The following UNC13B variants were observed in gnomAD, a reference collection of about 807,000 sequenced individuals.
UNC13B encodes the protein unc-13 homolog B.
UNC13B carries 144 observed loss-of-function variants against 211.0 expected under a neutral mutation model. The observed-to-expected ratio is 0.68, with a 90% CI of 0.60 to 0.78. UNC13B has a LOEUF of 0.78. Ranked by LOEUF, UNC13B falls within the 30% of genes least tolerant of loss-of-function variation. UNC13B has a pLI of 0.00. For synonymous variants in UNC13B, 709 were observed against 725.8 expected (o/e 0.98, Z 0.37); for missense variants, 1,777 against 2,002.0 (o/e 0.89, Z 2.14).
chr9:35,309,024 G>A (rs1253979039), intron 9 of UNC13B, among the ~76,000 whole-genome samples: 1 of 152,144 alleles, frequency 6.6e-6, no homozygotes. Context: ...CAAGGCTGAT[G>A]TCTGATAAAT....
At chr9:35,309,960 C>G (rs1394090419) in intron 9 of UNC13B, among the ~76,000 whole-genome samples, 2 of 152,316 alleles carry the variant, frequency 1.3e-5, no homozygotes, top group African/African-American at 4.8e-5. Context: ...CATGTCTGCT[C>G]TCCTTTGCTC....
intron 1 of UNC13B, among the ~76,000 whole-genome samples, chr9:35,201,508 T>C (rs1166410119): frequency 1.3e-5 from 2 of 152,242 alleles, no homozygotes; most frequent in Non-Finnish European, 2.9e-5. Flanking sequence ...TGCCTCAATT[T>C]CAGAGCCTGT....
rs951464998 is a variant in UNC13B at position 35,396,759 on chromosome 9, G to A, written c.11436-82G>A. On this transcript the variant is annotated intron_variant, in intron 27 of 39. Transcript: ENST00000635942. Reference sequence around the variant, plus strand: ...TTAAACTGTGCCCTGCCATCCCGAGGACCCCAGTCTGGTGGAGCTGTCAGG... The same window carrying A: ...TTAAACTGTGCCCTGCCATCCCGAGAACCCCAGTCTGGTGGAGCTGTCAGG... 2.5e-6 allele frequency: 4 copies of A among 1,601,446 alleles called. No homozygotes were observed. In the African/African-American group the frequency reaches 5.4e-5, roughly 21 times the overall value.
At chr9:35,352,705 T>A (rs1432695947) in intron 11 of UNC13B, 2 of 1,232,038 alleles carry the variant, frequency 1.6e-6, no homozygotes, top group Admixed American at 4.2e-5. Flanking sequence ...AGCTAGGGGA[T>A]GAAATAAAAG....
At chr9:35,286,983 C>A (rs1182197138) in intron 7 of UNC13B, among the ~76,000 whole-genome samples, 1 of 152,134 alleles carries the variant, frequency 6.6e-6, no homozygotes, top group Non-Finnish European at 1.5e-5. Flanking sequence ...TGTGAGTTGT[C>A]CTGCCTCAGC....
intron 1 of UNC13B, among the ~76,000 whole-genome samples, chr9:35,171,704 C>G (rs1329703822): frequency 6.6e-6 from 1 of 152,204 alleles, no homozygotes; most frequent in African/African-American, 2.4e-5. Context: ...GTTCCCTACC[C>G]CAGGCTAGTT....
intron 19 of UNC13B, 89 bp from the exon 20 acceptor site, chr9:35,381,467 T>G: frequency 6.9e-7 from 1 of 1,443,942 alleles, no homozygotes. Flanking sequence ...TGGGACCTTG[T>G]GCACATTCTT....
chr9:35,223,921 T>G (rs1824698491), intron 1 of UNC13B, among the ~76,000 whole-genome samples: 1 of 152,214 alleles, frequency 6.6e-6, no homozygotes, highest in South Asian at 2.1e-4. Context: ...CTTTCCTCTG[T>G]GTTTTTCTGG....
rs750345797 is a variant in UNC13B at position 35,313,918 on chromosome 9, T to C, written c.9343T>C (p.Ser3115Pro). 6.2e-7 allele frequency: 1 copy of C among 1,613,838 alleles called. No individual in the cohort carries two copies. The highest frequency in any genetic ancestry group is 1.7e-5 in the Admixed American group (1 of 60,006). The change falls in exon 11 of 40, where the codon TCT becomes CCT. Residue 3115 changes from serine (S) to proline (P), a missense_variant. Transcript: ENST00000635942. ...TACAAGTTTTCCTGAGGAGAATGCA[T>C]CTTCACCATTTACCCAAGCCAGAGC... Reference protein sequence around the residue: ...PQESFPEENASSPFTQARAHW... With the variant: ...PQESFPEENAPSPFTQARAHW...
chr9:35,215,779 A>G (rs1388075855), intron 1 of UNC13B, among the ~76,000 whole-genome samples: 1 of 152,234 alleles, frequency 6.6e-6, no homozygotes, highest in Non-Finnish European at 1.5e-5. Flanking sequence ...ACAATAAGAA[A>G]ACATGAGCAG....
At chr9:35,170,574 T>C (rs1233972503) in intron 1 of UNC13B, among the ~76,000 whole-genome samples, 1 of 151,932 alleles carries the variant, frequency 6.6e-6, no homozygotes. Flanking sequence ...GATCAAGTGA[T>C]ATGCTCATTT....
chr9:35,249,564 C>T (rs1194985080), intron 6 of UNC13B, among the ~76,000 whole-genome samples: 1 of 152,170 alleles, frequency 6.6e-6, no homozygotes, highest in African/African-American at 2.4e-5. Context: ...GTGACAAAAT[C>T]TCTCAGCATT....
Position 35,301,311 on chromosome 9 carries a change from A to C in UNC13B, c.1907A>C (p.Glu636Ala). Residue 636 changes from glutamate (E) to alanine (A), a missense_variant, in exon 9 of 40, where the codon GAA (glutamate) becomes GCA (alanine). Physicochemically the swap from Glu to Ala is moderately radical, Grantham distance 107 (BLOSUM62 -1). Coordinates refer to ENST00000635942, the MANE Select transcript of UNC13B (RefSeq NM_001371189.2). The part of the protein sequence containing the change: ...TGSLYFQNTT[E>A]SIAKDLAPQS... ...AGTTTATACTTTCAGAATACAACAGAAAGTATTGCAAAGGACTTGGCTCCA... is the reference window on the plus strand; with the variant it reads ...AGTTTATACTTTCAGAATACAACAGCAAGTATTGCAAAGGACTTGGCTCCA... 2.5e-6 allele frequency: 1 copy of C among 398,800 alleles called. No homozygotes were observed. 24.7% of individuals were successfully genotyped at this position (398,800 alleles called of 1,614,324 possible).
Position 35,403,638 on chromosome 9 carries a change from G to T in UNC13B, c.12737+39G>T, listed in dbSNP as rs201041527. The T allele has an allele frequency of 2.4e-3, 3,256 of 1,375,202 alleles. 6 individuals are homozygous for T. Among genetic ancestry groups the T allele is most frequent in the South Asian group, 5.0e-3 (413 of 82,522 alleles). 85.2% of individuals were successfully genotyped at this position (1,375,202 alleles called of 1,614,324 possible). A position where few individuals can be genotyped will look rare whatever the true frequency, so the allele number is the denominator to read the frequency against. On this transcript the variant is annotated intron_variant, in intron 39 of 39. Coordinates refer to ENST00000635942, the MANE Select transcript of UNC13B (RefSeq NM_001371189.2). ...GGGACATACAGGACTCTGGGATGGG[G>T]GTAAGACTTGAGGGGTGGGGGGAGA...
chr9:35,353,180 G>A, intron 11 of UNC13B: 2 of 1,232,150 alleles, frequency 1.6e-6, no homozygotes, highest in Non-Finnish European at 2.0e-6. Flanking sequence ...GGAATGTGCT[G>A]CTCACGTCCT....
chr9:35,382,959 C>G (rs886938083), intron 21 of UNC13B, among the ~76,000 whole-genome samples: 3 of 152,140 alleles, frequency 2.0e-5, no homozygotes, highest in African/African-American at 7.2e-5. Flanking sequence ...TTTCCTGTTT[C>G]CTTATGGGTA....
At chr9:35,375,015 G>A in intron 13 of UNC13B, 112 bp from the exon 14 acceptor site, 4 of 1,055,408 alleles carry the variant, frequency 3.8e-6, no homozygotes, top group Non-Finnish European at 5.9e-6. Context: ...AATAAAAATA[G>A]AAAGTACTGT....
intron 6 of UNC13B, among the ~76,000 whole-genome samples, chr9:35,255,652 A>G (rs1826836647): frequency 6.6e-6 from 1 of 152,142 alleles, no homozygotes; most frequent in Non-Finnish European, 1.5e-5. Flanking sequence ...GGGATGGCAG[A>G]ACTGGTTGGG....
At position 35,310,727 on chromosome 9, in the gene UNC13B, ACCCTCC is replaced by A. The variant is rs1554700838; in HGVS notation, c.9273_9278del (p.Pro3092_Pro3093del). ...GAGATGAAAGAAGATGCCACAACCC[ACCCTCC>A]CCCAGATCTGGTGCTGCAAAAAGAC... On this transcript the variant is annotated inframe_deletion, in exon 10 of 40. Transcript: ENST00000635942. The A allele has an allele frequency of 6.2e-7, 1 of 1,613,438 alleles. No individual in the cohort carries two copies. The highest frequency in any genetic ancestry group is 8.5e-7 in the Non-Finnish European group (1 of 1,179,892).
Sources: gnomAD v4.1 joint callset for allele counts (sites outside exome capture counted in the v4.1 genomes callset) on GRCh38, gnomAD v4.1.1 for gene constraint, MANE v1.5 for transcripts, NCBI Gene and HGNC (gene_info 2026-07-23, HGNC 2026-07-21) for gene names.